Variants in KIF16B observed in about 807,000 individuals in gnomAD.
KIF16B encodes the protein kinesin family member 16B.
In KIF16B, 98 loss-of-function variants were observed where a neutral mutation model predicts 156.3. The ratio of observed to expected loss-of-function variants is 0.63; its 90% CI spans 0.53 to 0.74. The LOEUF is 0.74. Among genes scored for constraint, KIF16B ranks in the 30% least tolerant of loss-of-function variants. The pLI, the probability that KIF16B is intolerant of heterozygous loss-of-function variation, is 0.00. For synonymous variants in KIF16B, 564 were observed against 583.7 expected (o/e 0.97, Z 0.49); for missense variants, 1,421 against 1,606.5 (o/e 0.88, Z 1.97).
At chr20:16,565,450 C>T (rs1246535151) in intron 1 of KIF16B, among the ~76,000 whole-genome samples, 5 of 152,316 alleles carry the variant, frequency 3.3e-5, no homozygotes, top group African/African-American at 1.2e-4. Context: ...AAGAGTCTCA[C>T]TGATACCCAG....
At chr20:16,514,005 T>C (rs2069050905) in intron 4 of KIF16B, among the ~76,000 whole-genome samples, 1 of 152,230 alleles carries the variant, frequency 6.6e-6, no homozygotes, top group South Asian at 2.1e-4. Context: ...AAATCAGTAC[T>C]AATTCTTAAC....
At chr20:16,374,782 C>T (rs974951432) in intron 19 of KIF16B, among the ~76,000 whole-genome samples, 3 of 152,142 alleles carry the variant, frequency 2.0e-5, no homozygotes, top group Non-Finnish European at 4.4e-5. Context: ...TAAATACTTA[C>T]GTTTGATGAA....
chr20:16,365,274 T>C (rs2064639545), intron 22 of KIF16B, among the ~76,000 whole-genome samples: 1 of 152,064 alleles, frequency 6.6e-6, no homozygotes, highest in Non-Finnish European at 1.5e-5. Flanking sequence ...TATTAAGATA[T>C]TAGAAAACTA....
intron 12 of KIF16B, among the ~76,000 whole-genome samples, chr20:16,467,953 C>T (rs1470935658): frequency 1.3e-5 from 2 of 151,890 alleles, no homozygotes; most frequent in Non-Finnish European, 2.9e-5. Flanking sequence ...GTGTGGAAGA[C>T]AAAAACAGAA....
chr20:16,376,521 A>G (rs1013018114), intron 19 of KIF16B, among the ~76,000 whole-genome samples: 4 of 152,206 alleles, frequency 2.6e-5, no homozygotes, highest in African/African-American at 9.6e-5. Context: ...ATGAAGCACA[A>G]CAGAAATTCC....
At chr20:16,327,765 A>C (rs1375529281) in intron 24 of KIF16B, among the ~76,000 whole-genome samples, 3 of 152,144 alleles carry the variant, frequency 2.0e-5, no homozygotes, top group Non-Finnish European at 2.9e-5. Context: ...GCCTCTGATA[A>C]TGTACAAGGT....
chr20:16,293,922 G>A (rs902393844), intron 25 of KIF16B, among the ~76,000 whole-genome samples: 2 of 151,686 alleles, frequency 1.3e-5, no homozygotes, highest in South Asian at 2.1e-4. Context: ...GAGAGGGGCT[G>A]CGGGGGGTGC....
chr20:16,543,117 C>T (rs1431744926), intron 1 of KIF16B, among the ~76,000 whole-genome samples: 2 of 152,198 alleles, frequency 1.3e-5, no homozygotes, highest in African/African-American at 4.8e-5. Flanking sequence ...CTAGGAGGTT[C>T]TGATGGTCAA....
At chr20:16,361,304 T>A (rs1456847874) in intron 22 of KIF16B, among the ~76,000 whole-genome samples, 1 of 152,166 alleles carries the variant, frequency 6.6e-6, no homozygotes, top group Non-Finnish European at 1.5e-5. Flanking sequence ...AAAGAGACAA[T>A]GAAGATTTGT....
At chr20:16,408,819 T>C (rs2065849371) in intron 15 of KIF16B, among the ~76,000 whole-genome samples, 1 of 152,088 alleles carries the variant, frequency 6.6e-6, no homozygotes, top group African/African-American at 2.4e-5. Flanking sequence ...AAGGGGTCCA[T>C]TAAGGCTGGT....
At chr20:16,561,146 T>C (rs1051237985) in intron 1 of KIF16B, among the ~76,000 whole-genome samples, 1 of 151,920 alleles carries the variant, frequency 6.6e-6, no homozygotes, top group Non-Finnish European at 1.5e-5. Context: ...AAAAAAAAAT[T>C]AGCTGGGCGT....
intron 25 of KIF16B, among the ~76,000 whole-genome samples, chr20:16,285,796 T>C (rs963767631): frequency 6.6e-5 from 10 of 151,924 alleles, no homozygotes; most frequent in African/African-American, 2.2e-4. Flanking sequence ...CCAGTCTGGG[T>C]GAGAGTGAGA....
Position 16,409,743 on chromosome 20 carries a change from G to C in KIF16B, c.1613-3287C>G, listed in dbSNP as rs147301607. ...ACGGGGGTGAGGAAGATGGCTTCTG[G>C]GTTCTGGAATGCATCACTAGTTGAA... On this transcript the variant is annotated intron_variant, in intron 15 of 25. Transcript: ENST00000354981. Among the ~76,000 whole-genome samples the C allele has an allele frequency of 9.2e-5, 14 of 151,528 alleles. No homozygotes were observed. In the East Asian group the frequency reaches 2.7e-3, roughly 30 times the overall value.
chr20:16,410,156 CATATATGTAGGTACATAT>C (rs1158329443), intron 15 of KIF16B, among the ~76,000 whole-genome samples: 40 of 75,088 alleles, frequency 5.3e-4, no homozygotes, highest in Admixed American at 1.1e-3. Context: ...GGTACATATA[CATATATGTAGGTACATAT>C]ATATATGTAG....
At chr20:16,318,661 C>T (rs6514675) in intron 24 of KIF16B, among the ~76,000 whole-genome samples, 57,694 of 151,876 alleles carry the variant, frequency 0.38, 11,491 homozygotes, top group African/African-American at 0.51. Flanking sequence ...AATAGAATAA[C>T]TGAATAAATA....
chr20:16,283,475 C>A (rs1449031777), intron 25 of KIF16B, among the ~76,000 whole-genome samples: 1 of 152,134 alleles, frequency 6.6e-6, no homozygotes, highest in Non-Finnish European at 1.5e-5. Context: ...AGGCGGTGAC[C>A]AGCACAGGCC....
intron 24 of KIF16B, among the ~76,000 whole-genome samples, chr20:16,327,303 G>C (rs891534488): frequency 1.4e-4 from 22 of 151,948 alleles, no homozygotes; most frequent in East Asian, 9.7e-4. Flanking sequence ...AGGGTGGGAG[G>C]GGGGATTAGG....
intron 15 of KIF16B, among the ~76,000 whole-genome samples, chr20:16,419,162 G>T (rs957749514): frequency 3.3e-5 from 5 of 152,086 alleles, no homozygotes; most frequent in African/African-American, 1.2e-4. Context: ...TTTAGGTATA[G>T]TCTGTTAAGA....
chr20:16,529,491 A>C (rs1281240286), intron 1 of KIF16B, among the ~76,000 whole-genome samples: 2 of 152,212 alleles, frequency 1.3e-5, no homozygotes, highest in Non-Finnish European at 2.9e-5. Context: ...ATCTTAAAGC[A>C]TTTTTAGTAA....
Sources: gnomAD v4.1 joint callset for allele counts (sites outside exome capture counted in the v4.1 genomes callset) on GRCh38, gnomAD v4.1.1 for gene constraint, MANE v1.5 for transcripts, NCBI Gene and HGNC (gene_info 2026-07-23, HGNC 2026-07-21) for gene names.